POLR1B: variants seen among roughly 807,000 people sequenced by gnomAD.
POLR1B encodes RNA polymerase I subunit B, also known as DNA-directed RNA polymerase I subunit RPA2.
POLR1B carries 30 observed loss-of-function variants against 105.8 expected under a neutral mutation model. That is an observed-to-expected ratio of 0.28 (90% confidence interval 0.21 to 0.38). The LOEUF (loss-of-function observed/expected upper bound fraction) is 0.38. POLR1B is among the 10% of genes least tolerant of loss of function. POLR1B has a pLI of 1.00. For synonymous variants in POLR1B, 485 were observed against 505.1 expected, an observed-to-expected ratio of 0.96 and a Z score of 0.53; for missense variants, 976 against 1,435.8, an observed-to-expected ratio of 0.68 and a Z score of 5.17.
intron 1 of POLR1B, 150 bp from the exon 2 acceptor site, chr2:112,546,862 C>A: frequency 1.3e-6 from 1 of 784,140 alleles, no homozygotes; most frequent in Non-Finnish European, 2.0e-6. Flanking sequence ...TGCGCCCGGC[C>A]AACTGGAGGT....
Position 112,573,633 on chromosome 2 carries a change from C to T in POLR1B, c.2343C>T (p.Leu781=), listed in dbSNP as rs1459398809. 1 of 1,614,044 alleles carries T rather than the reference C, an allele frequency of 6.2e-7. No individual in the cohort carries two copies. Among genetic ancestry groups the T allele is most frequent in the Non-Finnish European group, 8.5e-7 (1 of 1,180,048 alleles). ...TCTACAAGTCTGAGTTCATAGACCT[C>T]TCTGAAAAAATTAAACAAGGAGATA... ...GSVYKSEFID[L]SEKIKQGDSS... is the part of the protein sequence containing the mutation. The change falls in exon 14 of 15, where the codon CTC becomes CTT. Residue 781 remains leucine, a synonymous_variant. Transcript: ENST00000263331.
At chr2:112,552,411 T>C (rs1683420045) in intron 6 of POLR1B, among the ~76,000 whole-genome samples, 1 of 152,226 alleles carries the variant, frequency 6.6e-6, no homozygotes, top group Admixed American at 6.5e-5. Flanking sequence ...CTTTGTCTTA[T>C]ATAACCACTG....
At position 112,551,944 on chromosome 2, in the gene POLR1B, A is replaced by ATTT; in HGVS notation, c.932_933insTTT (p.Lys311delinsAsnLeu). 2 of 1,614,198 alleles carry ATTT rather than the reference A, an allele frequency of 1.2e-6. No homozygotes were observed. The highest frequency in any genetic ancestry group is 1.7e-6 in the Non-Finnish European group (2 of 1,180,046). On this transcript the variant is annotated protein_altering_variant, in exon 6 of 15. Transcript: ENST00000263331. ...TACCTAGGTGAATGCTTCAGAGTAA[A>ATTT]ACTCAATGTTCCTGACTGGTACCCA...
intron 9 of POLR1B, among the ~76,000 whole-genome samples, chr2:112,560,132 A>G (rs1411869214): frequency 1.3e-5 from 2 of 152,048 alleles, no homozygotes; most frequent in East Asian, 3.8e-4. Flanking sequence ...GGGAAAAAAA[A>G]AAAGATAATG....
chr2:112,567,933 C>G, intron 10 of POLR1B, 34 bp from the exon 11 acceptor site: 1 of 1,591,332 alleles, frequency 6.3e-7, no homozygotes, highest in Middle Eastern at 1.7e-4. Context: ...GGCCTTGGGA[C>G]AGGTTTGTTA....
In POLR1B at chr2:112,578,826, A is replaced by G. The variant is rs1476860689; in HGVS notation, c.*3097A>G. On this transcript the variant is annotated 3_prime_UTR_variant, in exon 15 of 15. Coordinates refer to ENST00000263331, the MANE Select transcript of POLR1B (RefSeq NM_019014.6). ...CACTGCAAGAAACTGACAGCAATAA[A>G]TAGAACAATTATACTGTAATTAAAT... Among the ~76,000 whole-genome samples the G allele has an allele frequency of 6.6e-6, 1 of 152,212 alleles. No individual in the cohort carries two copies. The highest frequency in any genetic ancestry group is 1.5e-5 in the Non-Finnish European group (1 of 68,042).
At chr2:112,544,453 TAAAC>T (rs1337622778) in intron 1 of POLR1B, among the ~76,000 whole-genome samples, 1 of 152,100 alleles carries the variant, frequency 6.6e-6, no homozygotes, top group Admixed American at 6.6e-5. Context: ...CATAAATAAA[TAAAC>T]CAATTATATG....
chr2:112,570,171 C>T (rs1016623740), intron 12 of POLR1B, among the ~76,000 whole-genome samples: 1 of 151,806 alleles, frequency 6.6e-6, no homozygotes, highest in Non-Finnish European at 1.5e-5. Context: ...GCCTCAGCCT[C>T]CTGAGGAGCT....
chr2:112,570,751 T>G (rs2104572217), intron 12 of POLR1B, among the ~76,000 whole-genome samples: 1 of 151,730 alleles, frequency 6.6e-6, no homozygotes, highest in South Asian at 2.1e-4. Flanking sequence ...ATTTTTCAAG[T>G]CCAGCACTTC....
Position 112,542,532 on chromosome 2 carries a change from G to A in POLR1B, c.38G>A (p.Gly13Glu), listed in dbSNP as rs762248163. The stretch of plus-strand genomic sequence containing the variant: ...AGCCGGTGGCGGAACCTGCCCAGCG[G>A]GCCTAGCCTAAAGCACTTGACTGAC... ...PGSRWRNLPSGPSLKHLTDPS... is the reference protein window; with the variant it reads ...PGSRWRNLPSEPSLKHLTDPS... Residue 13 changes from glycine to glutamate, a missense_variant, in exon 1 of 15, where the codon GGG becomes GAG. Physicochemically the swap from Gly to Glu is moderately conservative, Grantham distance 98. Transcript: ENST00000263331. 60 of 1,613,982 alleles carry A rather than the reference G, an allele frequency of 3.7e-5. No individual in the cohort carries two copies. The East Asian group carries it at 1.3e-3, about 34-fold the overall frequency.
chr2:112,565,934 A>G (rs575094510), intron 10 of POLR1B, among the ~76,000 whole-genome samples: 1 of 152,018 alleles, frequency 6.6e-6, no homozygotes, highest in African/African-American at 2.4e-5. Context: ...GCCAACCACC[A>G]GTCTTTTATT....
In POLR1B at chr2:112,564,459, A is replaced by C. The variant is rs762997723; in HGVS notation, c.1706A>C (p.Asp569Ala). 3 of 1,614,096 alleles carry C rather than the reference A, an allele frequency of 1.9e-6. No individual in the cohort carries two copies. The highest frequency in any genetic ancestry group is 1.3e-5 in the African/African-American group (1 of 74,928). The change falls in exon 10 of 15, where the codon GAT becomes GCT. Residue 569 changes from aspartate to alanine, a missense_variant. Asp to Ala is a moderately radical substitution (Grantham distance 126, BLOSUM62 -2). Around this residue, in one of 12 missense-constraint regions of POLR1B, gnomAD observed 184 missense variants for 197.4 expected, o/e 0.93. Transcript: ENST00000263331. ...DGVMVGWVDK[D>A]LAPGIADSLR... ...GTCATGGTTGGCTGGGTGGATAAGGATCTTGCTCCAGGCATCGCAGATTCT... is the reference window on the plus strand; with the variant it reads ...GTCATGGTTGGCTGGGTGGATAAGGCTCTTGCTCCAGGCATCGCAGATTCT...
intron 9 of POLR1B, among the ~76,000 whole-genome samples, chr2:112,564,089 A>G (rs1357440060): frequency 9.2e-5 from 14 of 152,108 alleles, no homozygotes; most frequent in East Asian, 3.8e-4. Flanking sequence ...GATCACCATA[A>G]CAGATATAAT....
chr2:112,552,001 A>G lies in POLR1B; in HGVS notation c.986+3A>G, dbSNP rs542256253. The G allele has an allele frequency of 3.1e-6, 5 of 1,612,050 alleles. No homozygotes were observed. The highest frequency in any genetic ancestry group is 1.3e-5 in the African/African-American group (1 of 74,964). The stretch of plus-strand genomic sequence containing the variant: ...CAAGCTGCGGAGTTCCTGTTTAAGT[A>G]TGTGTGCTTTGTCTAAACTGTTTTT... On this transcript the variant is annotated splice_donor_region_variant and intron_variant, in intron 6 of 14. Transcript: ENST00000263331.
At chr2:112,543,205 C>A (rs941489661) in intron 1 of POLR1B, among the ~76,000 whole-genome samples, 1 of 152,088 alleles carries the variant, frequency 6.6e-6, no homozygotes, top group Non-Finnish European at 1.5e-5. Flanking sequence ...GCATTATTAG[C>A]GTAGAGTAAT....
Position 112,573,765 on chromosome 2 carries a change from T to C in POLR1B, c.2475T>C (p.Tyr825=). The change falls in exon 14 of 15, where the codon TAT becomes TAC. Residue 825 remains tyrosine (Y), a synonymous_variant. Coordinates refer to ENST00000263331, the MANE Select transcript of POLR1B (RefSeq NM_019014.6). ...CAAAACTGCAGTACGGAGATCCGTA[T>C]TACAGCTACCTCAACCTCAACACCG... ...IGAKLQYGDP[Y]YSYLNLNTGE... is the part of the protein sequence containing the mutation. 1.2e-6 allele frequency: 2 copies of C among 1,614,240 alleles called. No individual in the cohort carries two copies. The highest frequency in any genetic ancestry group is 2.2e-5 in the South Asian group (2 of 91,086).
chr2:112,568,994 C>A, intron 12 of POLR1B, 92 bp downstream of exon 12: 1 of 1,315,672 alleles, frequency 7.6e-7, no homozygotes, highest in Non-Finnish European at 1.0e-6. Flanking sequence ...ATATGCTGAC[C>A]ATTTGTTCCA....
chr2:112,558,917 C>T (rs1018836517), intron 8 of POLR1B, among the ~76,000 whole-genome samples: 6 of 141,632 alleles, frequency 4.2e-5, no homozygotes, highest in Non-Finnish European at 7.6e-5. Context: ...TGTGCCCCGC[C>T]TTTTTTTTTT....
intron 1 of POLR1B, among the ~76,000 whole-genome samples, chr2:112,545,055 G>A (rs1012121177): frequency 6.6e-5 from 10 of 152,176 alleles, no homozygotes; most frequent in Non-Finnish European, 1.5e-4. Context: ...ATAAACAGAG[G>A]TTGTCTTCAC....
Sources: gnomAD v4.1 joint callset for allele counts (sites outside exome capture counted in the v4.1 genomes callset) on GRCh38, gnomAD v4.1.1 for gene constraint, gnomAD v4.1.1 regional missense constraint, MANE v1.5 for transcripts, NCBI Gene and HGNC (gene_info 2026-07-23, HGNC 2026-07-21) for gene names.